The following KIAA0753 variants were observed in gnomAD, a reference collection of about 807,000 sequenced individuals.
KIAA0753 encodes protein moonraker.
In KIAA0753, 114 loss-of-function variants were observed where a neutral mutation model predicts 116.9. The ratio of observed to expected loss-of-function variants is 0.98; its 90% CI spans 0.84 to 1.14. The LOEUF is 1.14. KIAA0753 is among the 50% of genes most tolerant of loss of function. The pLI, the probability that KIAA0753 is intolerant of heterozygous loss-of-function variation, is 0.00. For missense variants in KIAA0753, 1,156 were observed against 1,172.4 expected, an observed-to-expected ratio of 0.99 and a Z score of 0.20; for synonymous variants, 405 against 413.1, an observed-to-expected ratio of 0.98 and a Z score of 0.24.
chr17:6,630,453 C>A (rs1003532171), intron 2 of KIAA0753, among the ~76,000 whole-genome samples: 1 of 151,776 alleles, frequency 6.6e-6, no homozygotes, highest in East Asian at 1.9e-4. Flanking sequence ...ATGCATTCAT[C>A]ACTTTTTTTT....
At position 6,583,567 on chromosome 17, in the gene KIAA0753, C is replaced by G. The variant is rs534562512; in HGVS notation, c.2787-3703G>C. Among the ~76,000 whole-genome samples, 324 of 152,284 alleles carry G rather than the reference C, an allele frequency of 2.1e-3. 4 individuals are homozygous for G. Among genetic ancestry groups the G allele is most frequent in the Middle Eastern group, 0.02 (6 of 294 alleles). On this transcript the variant is annotated intron_variant, in intron 18 of 18. Transcript: ENST00000361413. The stretch of plus-strand genomic sequence containing the variant: ...TTTTTGTGTGTCTCCGGGAATCACT[C>G]TGGATATTTTCTTCTGTCCTATGTT...
intron 7 of KIAA0753, among the ~76,000 whole-genome samples, chr17:6,620,423 T>TATAC (rs1188066505): frequency 6.7e-6 from 1 of 150,010 alleles, no homozygotes; most frequent in Non-Finnish European, 1.5e-5. Context: ...AAAAAATACA[T>TATAC]ATATATATAT....
chr17:6,593,447 C>T (rs1434690711), intron 16 of KIAA0753, among the ~76,000 whole-genome samples: 1 of 152,126 alleles, frequency 6.6e-6, no homozygotes, highest in Non-Finnish European at 1.5e-5. Context: ...CGCAATGGCT[C>T]ACACCTGGAA....
intron 12 of KIAA0753, among the ~76,000 whole-genome samples, chr17:6,604,338 C>T (rs138242229): frequency 2.4e-4 from 37 of 151,700 alleles, no homozygotes; most frequent in African/African-American, 8.7e-4. Context: ...ACTTCCCAGG[C>T]TCAAGTGATT....
At chr17:6,627,684 A>C (rs745637900) in intron 3 of KIAA0753, among the ~76,000 whole-genome samples, 2 of 152,200 alleles carry the variant, frequency 1.3e-5, no homozygotes, top group Non-Finnish European at 2.9e-5. Flanking sequence ...TACTCACCTA[A>C]ATACTGCCCA....
At chr17:6,614,893 G>C (rs1970778482) in intron 7 of KIAA0753, among the ~76,000 whole-genome samples, 1 of 152,208 alleles carries the variant, frequency 6.6e-6, no homozygotes, top group South Asian at 2.1e-4. Context: ...CCGCTTCCCA[G>C]GTTCAAGAGA....
chr17:6,621,142 T>C (rs1049482489), intron 6 of KIAA0753, 144 bp from the exon 7 acceptor site: 1 of 731,400 alleles, frequency 1.4e-6, no homozygotes, highest in East Asian at 2.7e-5. Context: ...TTAAAACATG[T>C]TATTATTTAG....
At chr17:6,633,304 T>C (rs747291082) in intron 2 of KIAA0753, among the ~76,000 whole-genome samples, 1 of 152,238 alleles carries the variant, frequency 6.6e-6, no homozygotes, top group Non-Finnish European at 1.5e-5. Context: ...TCTGAAATTA[T>C]GTCAAAAAAT....
intron 12 of KIAA0753, among the ~76,000 whole-genome samples, chr17:6,602,584 T>A (rs920943038): frequency 2.6e-5 from 4 of 152,068 alleles, no homozygotes; most frequent in Non-Finnish European, 5.9e-5. Flanking sequence ...GTAAAAGAAA[T>A]CAAAGCAACT....
At chr17:6,609,920 G>T in intron 9 of KIAA0753, 74 bp downstream of exon 9, 1 of 1,520,136 alleles carries the variant, frequency 6.6e-7, no homozygotes, top group Non-Finnish European at 9.0e-7. Flanking sequence ...CTCCTTATAA[G>T]CTACAGGTCA....
intron 6 of KIAA0753, 88 bp downstream of exon 6, chr17:6,622,794 T>C: frequency 8.8e-7 from 1 of 1,137,646 alleles, no homozygotes; most frequent in East Asian, 2.4e-5. Flanking sequence ...GGCTTTGTCT[T>C]GTATTCTCCA....
At position 6,623,074 on chromosome 17, in the gene KIAA0753, C is replaced by T. The variant is rs779237636; in HGVS notation, c.912G>A (p.Ala304=). The change falls in exon 6 of 19, where the codon GCG becomes GCA. Residue 304 remains alanine, a synonymous_variant. Coordinates refer to ENST00000361413, the MANE Select transcript of KIAA0753 (RefSeq NM_014804.3). The part of the protein sequence containing the change: ...TKKSWAMSKL[A]AAHRGAIRAL... ...CCCGAATGGCTCCTCGATGGGCAGC[C>T]GCCAGCTTAGACATTGCCCATGACT... 23 of 1,613,424 alleles carry T rather than the reference C, an allele frequency of 1.4e-5. No homozygotes were observed. Among genetic ancestry groups the T allele is most frequent in the Admixed American group, 1.7e-5 (1 of 59,962 alleles).
chr17:6,591,058 A>AGGAAGAAG (rs1382436774), intron 16 of KIAA0753, among the ~76,000 whole-genome samples: 813 of 43,224 alleles, frequency 0.019, 9 homozygotes, highest in Admixed American at 0.045. Context: ...AAGAAGAAGA[A>AGGAAGAAG]GAAGAAGAAG....
rs150982937 is a variant in KIAA0753, at chr17:6,606,493, C to T, written c.2009+380G>A. Among the ~76,000 whole-genome samples the T allele has an allele frequency of 5.2e-3, 786 of 152,276 alleles. 2 individuals are homozygous for T. Among genetic ancestry groups the T allele is most frequent in the Middle Eastern group, 0.017 (5 of 294 alleles). On this transcript the variant is annotated intron_variant, in intron 12 of 18. Coordinates refer to ENST00000361413, the MANE Select transcript of KIAA0753 (RefSeq NM_014804.3). ...CATAGCCTGCACTCAAGCTAACATA[C>T]GAAACTAAAGTAGCTATATGTTGAT...
intron 2 of KIAA0753, among the ~76,000 whole-genome samples, chr17:6,630,330 T>C (rs1971950749): frequency 6.6e-6 from 1 of 152,130 alleles, no homozygotes; most frequent in Non-Finnish European, 1.5e-5. Flanking sequence ...TAGCAATATA[T>C]GCTGTTGGTG....
At position 6,579,825 on chromosome 17, in the gene KIAA0753, C is replaced by T. The variant is rs1321643887; in HGVS notation, c.2826G>A (p.Val942=). ...EELVDEALGA[V]AAELQDMCED... ...CGCACATATCCTGAAGTTCAGCAGC[C>T]ACAGCACCCAGAGCTTCATCTACCA... Residue 942 remains valine, a synonymous_variant, in exon 19 of 19, where the codon GTG becomes GTA. Coordinates refer to ENST00000361413, the MANE Select transcript of KIAA0753 (RefSeq NM_014804.3). The T allele has an allele frequency of 6.2e-7, 1 of 1,613,950 alleles. No individual in the cohort carries two copies. The highest frequency in any genetic ancestry group is 1.1e-5 in the South Asian group (1 of 91,082).
intron 16 of KIAA0753, among the ~76,000 whole-genome samples, chr17:6,594,543 CGT>C (rs1969325847): frequency 6.6e-6 from 1 of 152,170 alleles, no homozygotes; most frequent in South Asian, 2.1e-4. Flanking sequence ...TGGTTGCCTA[CGT>C]GGCGGGGCAT....
intron 5 of KIAA0753, 81 bp from the exon 6 acceptor site, chr17:6,623,178 G>C (rs1971442201): frequency 3.1e-6 from 4 of 1,301,852 alleles, no homozygotes; most frequent in Non-Finnish European, 4.3e-6. Flanking sequence ...AATATTTATA[G>C]CCTGTCTTCT....
intron 3 of KIAA0753, among the ~76,000 whole-genome samples, chr17:6,627,847 C>T (rs1042137756): frequency 2.6e-5 from 4 of 152,200 alleles, no homozygotes; most frequent in African/African-American, 9.7e-5. Context: ...AATGCCACCT[C>T]GTAGGCTGGG....
Sources: gnomAD v4.1 joint callset for allele counts (sites outside exome capture counted in the v4.1 genomes callset) on GRCh38, gnomAD v4.1.1 for gene constraint, MANE v1.5 for transcripts, NCBI Gene and HGNC (gene_info 2026-07-23, HGNC 2026-07-21) for gene names.